Variants in VPS33A observed in about 807,000 individuals in gnomAD.
VPS33A encodes vacuolar protein sorting-associated protein 33A.
Under a neutral mutation model 71.8 loss-of-function variants are expected in VPS33A, and 32 were observed. The ratio of observed to expected loss-of-function variants is 0.45; its 90% CI spans 0.34 to 0.60. The LOEUF (loss-of-function observed/expected upper bound fraction) is 0.60, where lower values mean the gene tolerates loss of function less well. Ranked by LOEUF, VPS33A falls within the 20% of genes least tolerant of loss-of-function variation. The pLI is 0.02. For synonymous variants in VPS33A, 311 were observed against 292.7 expected (o/e 1.06, Z -0.64); for missense variants, 625 against 748.5 (o/e 0.84, Z 1.92).
At position 122,239,860 on chromosome 12, in the gene VPS33A, G is replaced by GTTTTTT. The variant is rs769522475; in HGVS notation, c.1164+12_1164+17dup. On this transcript the variant is annotated intron_variant, in intron 9 of 12. Coordinates refer to ENST00000267199, the MANE Select transcript of VPS33A (RefSeq NM_022916.6). ...AAGCTTTCAATTACTTGTTAAAGAG[G>GTTTTTT]TTTTTTTGTCCACATACCTTATCAG... 1 of 1,587,552 alleles carries GTTTTTT rather than the reference G, an allele frequency of 6.3e-7. No individual in the cohort carries two copies. The highest frequency in any genetic ancestry group is 1.1e-5 in the South Asian group (1 of 89,450).
At position 122,266,401 on chromosome 12, in the gene VPS33A, G is replaced by C; in HGVS notation, c.8C>G (p.Ala3Gly). The C allele has an allele frequency of 6.2e-7, 1 of 1,610,896 alleles. No homozygotes were observed. The highest frequency in any genetic ancestry group is 1.7e-5 in the Admixed American group (1 of 59,932). The change falls in exon 1 of 13, where the codon GCT becomes GGT. Residue 3 changes from alanine to glycine, a missense_variant. Ala to Gly is a moderately conservative substitution (Grantham distance 60). Coordinates refer to ENST00000267199, the MANE Select transcript of VPS33A (RefSeq NM_022916.6). ...GTTCACTCGGCCGTAGGACAGATGA[G>C]CCGCCATCTTGCTCCACCACCCCCT... MA[A>G]HLSYGRVNLN...
chr12:122,257,565 T>C (rs1404638627), intron 4 of VPS33A, among the ~76,000 whole-genome samples: 1 of 151,636 alleles, frequency 6.6e-6, no homozygotes. Flanking sequence ...CCTAGTTACT[T>C]GGGAGGCTGA....
chr12:122,266,131 G>C (rs982177319), intron 1 of VPS33A, among the ~76,000 whole-genome samples, 176 bp downstream of exon 1: 3 of 150,208 alleles, frequency 2.0e-5, no homozygotes, highest in African/African-American at 7.5e-5. Flanking sequence ...GTACGCCCAG[G>C]GCCCCCCCCT....
At chr12:122,235,732 C>G in intron 11 of VPS33A, 54 bp downstream of exon 11, 1 of 1,541,370 alleles carries the variant, frequency 6.5e-7, no homozygotes, top group Non-Finnish European at 8.7e-7. Context: ...GTGTTGTCAC[C>G]TGGACGATCT....
intron 2 of VPS33A, among the ~76,000 whole-genome samples, 172 bp downstream of exon 2, chr12:122,263,962 T>C (rs951701713): frequency 6.6e-6 from 1 of 152,200 alleles, no homozygotes; most frequent in Non-Finnish European, 1.5e-5. Flanking sequence ...CTAGAATCAG[T>C]ATAGAATCAC....
chr12:122,241,134 C>CA (rs545099449), intron 8 of VPS33A: 890 of 51,684 alleles, frequency 0.017, 5 homozygotes, highest in African/African-American at 0.05. Flanking sequence ...AACTCCGTCT[C>CA]AAAAAAAAAA....
At chr12:122,256,477 G>C (rs868001985) in intron 4 of VPS33A, among the ~76,000 whole-genome samples, 3 of 152,016 alleles carry the variant, frequency 2.0e-5, no homozygotes, top group Admixed American at 1.3e-4. Flanking sequence ...GGATAGCTAA[G>C]ACGGGAGAAT....
intron 3 of VPS33A, among the ~76,000 whole-genome samples, chr12:122,262,414 AAG>A (rs1955007633): frequency 6.6e-6 from 1 of 152,188 alleles, no homozygotes; most frequent in African/African-American, 2.4e-5. Flanking sequence ...TGCAGCCACA[AAG>A]AGTCTTAAAT....
intron 1 of VPS33A, 100 bp from the exon 2 acceptor site, chr12:122,264,299 T>C (rs1028833213): frequency 7.6e-5 from 66 of 863,858 alleles, no homozygotes; most frequent in Non-Finnish European, 9.3e-5. Flanking sequence ...TGCTTCAAAT[T>C]CTGAGTTAAA....
chr12:122,232,982 A>T lies in VPS33A; in HGVS notation c.1441-14T>A. On this transcript the variant is annotated splice_polypyrimidine_tract_variant and intron_variant, in intron 11 of 12. Transcript: ENST00000267199. ...GTCCGTGGGGTTCTGTGAGATAATT[A>T]AAGAACAAAAACCCTATAGATACAG... is the stretch of plus-strand genomic sequence containing the variant. The T allele has an allele frequency of 6.3e-7, 1 of 1,579,586 alleles. No homozygotes were observed. The highest frequency in any genetic ancestry group is 8.6e-7 in the Non-Finnish European group (1 of 1,159,716).
At chr12:122,238,306 C>T (rs537356543) in intron 10 of VPS33A, among the ~76,000 whole-genome samples, 14 of 152,236 alleles carry the variant, frequency 9.2e-5, no homozygotes, top group South Asian at 4.1e-4. Context: ...CTGTAACCTC[C>T]GCCTCCTGCG....
At position 122,231,484 on chromosome 12, in the gene VPS33A, A is replaced by G. The variant is rs574200365; in HGVS notation, c.*762T>C. 1.3e-5 allele frequency: 2 copies of G among 152,354 alleles called. No individual in the cohort carries two copies. The highest frequency in any genetic ancestry group is 1.9e-4 in the East Asian group (1 of 5,180). The allele number at this position is 152,354 out of a possible 1,614,324, so 9.4% of individuals were successfully genotyped here. A position where few individuals can be genotyped will look rare whatever the true frequency, so the allele number is the denominator to read the frequency against. On this transcript the variant is annotated 3_prime_UTR_variant, in exon 13 of 13. Transcript: ENST00000267199. ...TCAACTCAGTGATAAAATGATCTCC[A>G]GCTCCCAACACTTAACCACTGTCCT...
intron 4 of VPS33A, among the ~76,000 whole-genome samples, chr12:122,255,954 T>A (rs1444761490): frequency 6.6e-6 from 1 of 151,796 alleles, no homozygotes; most frequent in Non-Finnish European, 1.5e-5. Flanking sequence ...CAGGTGCACA[T>A]CACCACGTGT....
intron 4 of VPS33A, among the ~76,000 whole-genome samples, chr12:122,256,292 G>A (rs1188389366): frequency 9.9e-5 from 15 of 152,050 alleles, no homozygotes; most frequent in Non-Finnish European, 1.5e-5. Context: ...AAGAAAAAAA[G>A]GCCAGGCACA....
chr12:122,233,846 G>A (rs1436319917), intron 11 of VPS33A, among the ~76,000 whole-genome samples: 1 of 152,154 alleles, frequency 6.6e-6, no homozygotes, highest in East Asian at 1.9e-4. Flanking sequence ...TTGTTAAGTG[G>A]TGGGTGGGTC....
intron 4 of VPS33A, among the ~76,000 whole-genome samples, chr12:122,259,593 G>GT (rs1592930784): frequency 6.6e-6 from 1 of 152,022 alleles, no homozygotes; most frequent in Non-Finnish European, 1.5e-5. Context: ...TCACAGTATC[G>GT]TGACAGCCAA....
At position 122,244,681 on chromosome 12, in the gene VPS33A, T is replaced by C. The variant is rs769645259; in HGVS notation, c.857A>G (p.Lys286Arg). The change falls in exon 7 of 13, where the codon AAG (lysine) becomes AGG (arginine). Residue 286 changes from lysine to arginine, a missense_variant. Transcript: ENST00000267199. ...CTCCTCTGCAGAATTCAGCTGCAGC[T>C]TCTTTGCTTCCGTGGGGAGGTCCTT... ...GGKDLPTEAK[K>R]LQLNSAEELY... 1 of 1,614,194 alleles carries C rather than the reference T, an allele frequency of 6.2e-7. No homozygotes were observed. The highest frequency in any genetic ancestry group is 1.1e-5 in the South Asian group (1 of 91,080).
intron 4 of VPS33A, among the ~76,000 whole-genome samples, chr12:122,251,950 A>C (rs1954850665): frequency 6.6e-6 from 1 of 151,880 alleles, no homozygotes; most frequent in Non-Finnish European, 1.5e-5. Flanking sequence ...AAGAATCTCC[A>C]AAATACACAC....
chr12:122,234,695 C>T lies in VPS33A; in HGVS notation c.1440+1091G>A, dbSNP rs138786798. Among the ~76,000 whole-genome samples the T allele has an allele frequency of 3.2e-3, 481 of 152,296 alleles. 2 individuals carry two copies. The highest frequency in any genetic ancestry group is 0.011 in the African/African-American group (462 of 41,538). On this transcript the variant is annotated intron_variant, in intron 11 of 12. Coordinates refer to ENST00000267199, the MANE Select transcript of VPS33A (RefSeq NM_022916.6). Reference sequence around the variant, plus strand: ...TGCCCGGAGATGGACCTGTGCGTCCCACACCAACACACTCCAATGCCTTCT... The same window carrying T: ...TGCCCGGAGATGGACCTGTGCGTCCTACACCAACACACTCCAATGCCTTCT...
Sources: allele counts gnomAD v4.1 joint callset (sites outside exome capture counted in the v4.1 genomes callset), GRCh38; gene constraint gnomAD v4.1.1; transcripts MANE v1.5; gene names NCBI Gene and HGNC (gene_info 2026-07-23, HGNC 2026-07-21).